Variants in CDK11B observed in about 807,000 individuals in gnomAD.
CDK11B encodes cyclin-dependent kinase 11B.
In CDK11B, 37 loss-of-function variants were observed where a neutral mutation model predicts 84.0. The ratio of observed to expected loss-of-function variants is 0.44; its 90% CI spans 0.34 to 0.58. CDK11B has a LOEUF of 0.58. Among genes scored for constraint, CDK11B ranks in the 20% least tolerant of loss-of-function variants. The probability of loss-of-function intolerance (pLI) is 0.02; values close to 1 mark genes in which losing one functional copy is unlikely to be tolerated. For missense variants in CDK11B, 427 were observed against 834.0 expected (o/e 0.51, Z 6.01); for synonymous variants, 269 against 309.8 (o/e 0.87, Z 1.38).
At position 1,649,476 on chromosome 1, in the gene CDK11B, C is replaced by G. The variant is rs1370281337; in HGVS notation, c.494+23G>C. On this transcript the variant is annotated intron_variant, in intron 5 of 19. Coordinates refer to ENST00000341832, the MANE Select transcript of CDK11B (RefSeq NM_033486.3). Reference sequence around the variant, plus strand: ...ACTACCACAGCCCTTTTATAAAGTCCTCAACTGACCCAGCCGACTCACCTT... The same window carrying G: ...ACTACCACAGCCCTTTTATAAAGTCGTCAACTGACCCAGCCGACTCACCTT... 11 of 1,530,474 alleles carry G rather than the reference C, an allele frequency of 7.2e-6. No homozygotes were observed. The Admixed American group carries it at 1.5e-4, about 21-fold the overall frequency. 94.8% of individuals were successfully genotyped at this position (1,530,474 alleles called of 1,614,324 possible). A position where few individuals can be genotyped will look rare whatever the true frequency, so the allele number is the denominator to read the frequency against.
At chr1:1,637,358 G>A in intron 14 of CDK11B, 50 bp downstream of exon 14, 4 of 1,595,052 alleles carry the variant, frequency 2.5e-6, no homozygotes, top group Non-Finnish European at 3.4e-6. Context: ...GGGGTGACCA[G>A]GACCCTGCCC....
intron 4 of CDK11B, among the ~76,000 whole-genome samples, chr1:1,649,946 A>C (rs1430461616): frequency 7.0e-6 from 1 of 142,214 alleles, no homozygotes; most frequent in African/African-American, 2.6e-5. Flanking sequence ...ACTGCACTAC[A>C]GCCTGGGCAA....
At position 1,636,570 on chromosome 1, in the gene CDK11B, G is replaced by T. The variant is rs1380149208; in HGVS notation, c.1918-89C>A. 4 of 1,571,020 alleles carry T rather than the reference G, an allele frequency of 2.5e-6. No homozygotes were observed. In the East Asian group the frequency reaches 9.3e-5, roughly 36 times the overall value. On this transcript the variant is annotated intron_variant, in intron 17 of 19. Coordinates refer to ENST00000341832, the MANE Select transcript of CDK11B (RefSeq NM_033486.3). ...GTCAGAGAAGACAAGCCACCAGGAGGGCTCTCAGTGGCCCTGGTCCCCATC... is the reference window on the plus strand; with the variant it reads ...GTCAGAGAAGACAAGCCACCAGGAGTGCTCTCAGTGGCCCTGGTCCCCATC...
At chr1:1,654,161 T>A (rs1212227208) in intron 3 of CDK11B, 1 of 464,910 alleles carries the variant, frequency 2.2e-6, no homozygotes, top group Admixed American at 2.3e-5. Flanking sequence ...TGGCTGTGTT[T>A]CCTTTAATTA....
intron 4 of CDK11B, among the ~76,000 whole-genome samples, chr1:1,650,436 G>C (rs1401956261): frequency 2.1e-5 from 3 of 145,068 alleles, no homozygotes; most frequent in Non-Finnish European, 4.5e-5. Context: ...CGCAATCTCG[G>C]CTCACTGCAA....
intron 5 of CDK11B, 73 bp downstream of exon 5, chr1:1,649,423 ATTC>A (rs1265549694): frequency 1.2e-5 from 14 of 1,175,948 alleles, no homozygotes; most frequent in African/African-American, 1.5e-5. Context: ...CTATTGCCAA[ATTC>A]TTCTTCATTT....
chr1:1,655,119 T>C (rs1165567441), intron 3 of CDK11B, among the ~76,000 whole-genome samples: 5 of 152,158 alleles, frequency 3.3e-5, no homozygotes, highest in African/African-American at 4.8e-5. Context: ...ATTTTATTAA[T>C]CAGTGTAACA....
Position 1,636,340 on chromosome 1 carries a change from T to C in CDK11B, c.2059A>G (p.Met687Val), listed in dbSNP as rs1317097195. 2.5e-6 allele frequency: 4 copies of C among 1,571,588 alleles called. No individual in the cohort carries two copies. Among genetic ancestry groups the C allele is most frequent in the African/African-American group, 1.3e-5 (1 of 74,132 alleles). The stretch of plus-strand genomic sequence containing the variant: ...CGGCTGCACTGGGCTCACTTGTTCA[T>C]GAGGTCGAAGCCCTGGTCTGAGAGC... Reference protein sequence around the residue: ...ALLSDQGFDLMNKFLTYFPGR... With the variant: ...ALLSDQGFDLVNKFLTYFPGR... The change falls in exon 18 of 20, where the codon ATG becomes GTG. Residue 687 changes from methionine (M) to valine (V), a missense_variant. Met to Val is a conservative substitution (Grantham distance 21, BLOSUM62 1). This residue lies in a region of CDK11B where 170 missense variants were observed against 196.0 expected (regional missense o/e 0.87). Coordinates refer to ENST00000341832, the MANE Select transcript of CDK11B (RefSeq NM_033486.3).
In CDK11B at chr1:1,656,384, A is replaced by G. The variant is rs974113685; in HGVS notation, c.112-900T>C. Among the ~76,000 whole-genome samples, 16 of 152,220 alleles carry G rather than the reference A, an allele frequency of 1.1e-4. 2 individuals are homozygous for G. Among genetic ancestry groups the G allele is most frequent in the Admixed American group, 2.6e-4 (4 of 15,284 alleles). ...CAGGTGCCTGTAGTCCCAGGTACTC[A>G]GGAGGCTGAGACAGGAGAACTGCTT... On this transcript the variant is annotated intron_variant, in intron 2 of 19. Transcript: ENST00000341832.
intron 4 of CDK11B, among the ~76,000 whole-genome samples, chr1:1,651,288 G>A (rs1390182951): frequency 6.6e-6 from 1 of 152,202 alleles, no homozygotes; most frequent in African/African-American, 2.4e-5. Flanking sequence ...TAATGGGGGA[G>A]AGAAAACCCC....
At chr1:1,645,955 G>A in intron 5 of CDK11B, 1 of 383,840 alleles carries the variant, frequency 2.6e-6, no homozygotes, top group Non-Finnish European at 5.2e-6. Context: ...TCTCATACCT[G>A]AGCCTCCCGA....
intron 3 of CDK11B, 107 bp downstream of exon 3, chr1:1,655,262 A>C: frequency 7.4e-7 from 1 of 1,357,346 alleles, no homozygotes; most frequent in Non-Finnish European, 9.8e-7. Context: ...GGAAAGAGTA[A>C]ACCTTAATAG....
chr1:1,653,555 AG>A (rs1178166042), intron 3 of CDK11B, among the ~76,000 whole-genome samples: 1 of 151,736 alleles, frequency 6.6e-6, no homozygotes, highest in African/African-American at 2.4e-5. Flanking sequence ...TCCTGACCTC[AG>A]GTGATCCACC....
chr1:1,652,154 C>T (rs1275653483), intron 4 of CDK11B, among the ~76,000 whole-genome samples: 10 of 151,734 alleles, frequency 6.6e-5, no homozygotes, highest in African/African-American at 9.7e-5. Flanking sequence ...CTGTGACACA[C>T]GCACGCTTTC....
At chr1:1,650,268 C>CA (rs1212256890) in intron 4 of CDK11B, among the ~76,000 whole-genome samples, 1,154 of 45,456 alleles carry the variant, frequency 0.025, 84 homozygotes, top group African/African-American at 0.065. Flanking sequence ...GACTCCGTCC[C>CA]AAAAAAAAAA....
Position 1,641,743 on chromosome 1 carries a change from A to C in CDK11B, c.928T>G (p.Ser310Ala). The C allele has an allele frequency of 1.3e-6, 1 of 784,812 alleles. No homozygotes were observed. 48.6% of individuals were successfully genotyped at this position (784,812 alleles called of 1,614,324 possible). ...EEEEGSTSEE[S>A]EEEEEEEEEE... ...TCCTCTTCCTCCTCCTCCTCCTCTG[A>C]TTCTTCACTGGTGCTCCCTTCCTCC... Residue 310 changes from serine to alanine, a missense_variant, in exon 9 of 20, where the codon TCA (serine) becomes GCA (alanine). Around this residue, in one of 12 missense-constraint regions of CDK11B, gnomAD observed 2 missense variants for 134.0 expected, o/e 0.01. Coordinates refer to ENST00000341832, the MANE Select transcript of CDK11B (RefSeq NM_033486.3).
chr1:1,636,846 G>C lies in CDK11B; in HGVS notation c.1801-48C>G, dbSNP rs1201873383. Reference sequence around the variant, plus strand: ...CAGGAGGGCCAGTGCCCGCGAAGCTGTGGGAGGCTGCGTGGGGGACAGGGG... The same window carrying C: ...CAGGAGGGCCAGTGCCCGCGAAGCTCTGGGAGGCTGCGTGGGGGACAGGGG... On this transcript the variant is annotated intron_variant, in intron 16 of 19. Coordinates refer to ENST00000341832, the MANE Select transcript of CDK11B (RefSeq NM_033486.3). 3.7e-6 allele frequency: 6 copies of C among 1,612,782 alleles called. No homozygotes were observed. The African/African-American group carries it at 4.0e-5, about 11-fold the overall frequency.
chr1:1,639,434 C>G (rs1639911353), intron 11 of CDK11B, among the ~76,000 whole-genome samples: 1 of 151,810 alleles, frequency 6.6e-6, no homozygotes, highest in African/African-American at 2.4e-5. Context: ...AAAGCCATCC[C>G]AAGAGTCTCT....
At chr1:1,645,966 G>A (rs1641041379) in intron 5 of CDK11B, 2 of 416,426 alleles carry the variant, frequency 4.8e-6, no homozygotes, top group Non-Finnish European at 9.6e-6. Context: ...AGCCTCCCGA[G>A]TAGCTGGGAT....
Sources: gnomAD v4.1 joint callset for allele counts (sites outside exome capture counted in the v4.1 genomes callset) on GRCh38, gnomAD v4.1.1 for gene constraint, gnomAD v4.1.1 regional missense constraint, MANE v1.5 for transcripts, NCBI Gene and HGNC (gene_info 2026-07-23, HGNC 2026-07-21) for gene names.